TDRD3: variants seen among roughly 807,000 people sequenced by gnomAD.
TDRD3 encodes tudor domain containing 3.
A neutral mutation model predicts 86.7 loss-of-function variants in TDRD3; 45 were observed. The observed-to-expected ratio is 0.52, with a 90% CI of 0.41 to 0.67. The LOEUF (loss-of-function observed/expected upper bound fraction) is 0.67, where lower values mean the gene tolerates loss of function less well. Among genes scored for constraint, TDRD3 ranks in the 30% least tolerant of loss-of-function variants. TDRD3 has a pLI of 0.00. For synonymous variants in TDRD3, 298 were observed against 301.7 expected (o/e 0.99, Z 0.13); for missense variants, 814 against 889.0 (o/e 0.92, Z 1.07).
intron 1 of TDRD3, among the ~76,000 whole-genome samples, chr13:60,428,499 A>T (rs552278978): frequency 6.6e-6 from 1 of 152,316 alleles, no homozygotes; most frequent in South Asian, 2.1e-4. Context: ...TAGCAGAGGC[A>T]TGCAAAATTA....
In TDRD3 at chr13:60,485,886, G is replaced by T. The variant is rs761872709; in HGVS notation, c.655G>T (p.Asp219Tyr). 34 of 1,610,932 alleles carry T rather than the reference G, an allele frequency of 2.1e-5. No homozygotes were observed. The highest frequency in any genetic ancestry group is 2.9e-5 in the Non-Finnish European group (34 of 1,178,744). The change falls in exon 7 of 14, where the codon GAT becomes TAT. Residue 219 changes from aspartate (D) to tyrosine (Y), a missense_variant. By Grantham distance (160) the Asp-to-Tyr change is radical. Coordinates refer to ENST00000377881, the MANE Select transcript of TDRD3 (RefSeq NM_001146070.2). ...TACAATGCCTGTCAAACCTACAAAT[G>T]ATAATGATGAATTTGAAAAGCAAAG... ...QVTMPVKPTN[D>Y]NDEFEKQRTA...
chr13:60,411,881 A>C (rs1454500148), intron 1 of TDRD3, among the ~76,000 whole-genome samples: 2 of 152,212 alleles, frequency 1.3e-5, no homozygotes, highest in Non-Finnish European at 2.9e-5. Context: ...TTTGAGGAGC[A>C]GCACTTTAGG....
At chr13:60,513,872 T>G (rs969421505) in intron 10 of TDRD3, among the ~76,000 whole-genome samples, 3 of 152,202 alleles carry the variant, frequency 2.0e-5, no homozygotes, top group African/African-American at 7.2e-5. Context: ...CAGGTATGTC[T>G]TTATCAGCAG....
At chr13:60,455,161 C>G (rs1955638138) in intron 3 of TDRD3, among the ~76,000 whole-genome samples, 5 of 152,212 alleles carry the variant, frequency 3.3e-5, no homozygotes, top group Admixed American at 3.3e-4. Flanking sequence ...GATCCGCCCA[C>G]CTCAGCCTCC....
chr13:60,483,038 C>T (rs1956353860), intron 5 of TDRD3, among the ~76,000 whole-genome samples: 1 of 151,900 alleles, frequency 6.6e-6, no homozygotes, highest in Non-Finnish European at 1.5e-5. Context: ...CTGGAGACTC[C>T]TTATGGGATT....
At chr13:60,499,952 G>A (rs1199699259) in intron 8 of TDRD3, among the ~76,000 whole-genome samples, 1 of 152,218 alleles carries the variant, frequency 6.6e-6, no homozygotes, top group Non-Finnish European at 1.5e-5. Flanking sequence ...TGCTGTGCAA[G>A]CTGCTCTGCC....
At position 60,528,955 on chromosome 13, in the gene TDRD3, C is replaced by T; in HGVS notation, c.1730C>T (p.Pro577Leu). The T allele has an allele frequency of 6.2e-7, 1 of 1,613,752 alleles. No individual in the cohort carries two copies. Among genetic ancestry groups the T allele is most frequent in the Non-Finnish European group, 8.5e-7 (1 of 1,179,904 alleles). ...AATGTAAATACTGATTATCAGAATC[C>T]AGTTCGAAGTAATAGTTTCATTGGT... Reference protein sequence around the residue: ...HFNVNTDYQNPVRSNSFIGVP... With the variant: ...HFNVNTDYQNLVRSNSFIGVP... Residue 577 changes from proline to leucine, a missense_variant, in exon 11 of 14, where the codon CCA becomes CTA. Coordinates refer to ENST00000377881, the MANE Select transcript of TDRD3 (RefSeq NM_001146070.2).
Position 60,485,850 on chromosome 13 carries a change from A to G in TDRD3, c.619A>G (p.Thr207Ala). 2 of 1,610,470 alleles carry G rather than the reference A, an allele frequency of 1.2e-6. No homozygotes were observed. Among genetic ancestry groups the G allele is most frequent in the South Asian group, 1.1e-5 (1 of 90,378 alleles). Reference sequence around the variant, plus strand: ...TAGCAGAGAACTTGATCGAAGAAAAACATTGCAAGTTACAATGCCTGTCAA... The same window carrying G: ...TAGCAGAGAACTTGATCGAAGAAAAGCATTGCAAGTTACAATGCCTGTCAA... ...VDSRELDRRKTLQVTMPVKPT... is the reference protein window; with the variant it reads ...VDSRELDRRKALQVTMPVKPT... Residue 207 changes from threonine to alanine, a missense_variant, in exon 7 of 14, where the codon ACA (threonine) becomes GCA (alanine). By Grantham distance (58) the Thr-to-Ala change is moderately conservative. Coordinates refer to ENST00000377881, the MANE Select transcript of TDRD3 (RefSeq NM_001146070.2).
At chr13:60,555,609 C>T (rs749518611) in intron 12 of TDRD3, among the ~76,000 whole-genome samples, 5 of 152,052 alleles carry the variant, frequency 3.3e-5, no homozygotes, top group Admixed American at 1.3e-4. Context: ...ATGATACCAA[C>T]GTACTTGAGA....
intron 8 of TDRD3, among the ~76,000 whole-genome samples, chr13:60,497,380 A>G (rs1042835603): frequency 1.3e-5 from 2 of 152,062 alleles, no homozygotes; most frequent in African/African-American, 4.8e-5. Flanking sequence ...GTGATAGATG[A>G]TTGGCTATTT....
At chr13:60,410,153 C>A (rs1954326874) in intron 1 of TDRD3, among the ~76,000 whole-genome samples, 1 of 152,124 alleles carries the variant, frequency 6.6e-6, no homozygotes, top group Admixed American at 6.5e-5. Flanking sequence ...GCCTCCCCAG[C>A]CATGTGGAAC....
At chr13:60,485,999 TA>T in intron 7 of TDRD3, 51 bp downstream of exon 7, 1 of 1,515,940 alleles carries the variant, frequency 6.6e-7, no homozygotes, top group Non-Finnish European at 8.8e-7. Flanking sequence ...ATGTTCTATT[TA>T]GATTATTTGT....
chr13:60,397,374 G>A lies in TDRD3; in HGVS notation c.10G>A (p.Val4Met). 1 of 1,491,532 alleles carries A rather than the reference G, an allele frequency of 6.7e-7. No individual in the cohort carries two copies. The highest frequency in any genetic ancestry group is 8.9e-7 in the Non-Finnish European group (1 of 1,119,854). 92.4% of individuals were successfully genotyped at this position (1,491,532 alleles called of 1,614,324 possible). The change falls in exon 1 of 14, where the codon GTG becomes ATG. Residue 4 changes from valine (V) to methionine (M), a missense_variant. Coordinates refer to ENST00000377881, the MANE Select transcript of TDRD3 (RefSeq NM_001146070.2). Reference sequence around the variant, plus strand: ...GGCCTAAGCAGCTACCATGGCCCAGGTGGCCGGCGCGGCGTTGTCCCAGGC... The same window carrying A: ...GGCCTAAGCAGCTACCATGGCCCAGATGGCCGGCGCGGCGTTGTCCCAGGC... The part of the protein sequence containing the change: MAQ[V>M]AGAALSQAGW...
At chr13:60,414,439 A>G (rs890463021) in intron 1 of TDRD3, among the ~76,000 whole-genome samples, 5 of 152,186 alleles carry the variant, frequency 3.3e-5, no homozygotes, top group Non-Finnish European at 5.9e-5. Flanking sequence ...AAAGCCTGCA[A>G]TATTTACTAT....
At chr13:60,567,890 A>ATTT (rs58242240) in intron 13 of TDRD3, among the ~76,000 whole-genome samples, 1 of 132,932 alleles carries the variant, frequency 7.5e-6, no homozygotes, top group Admixed American at 7.5e-5. Context: ...TGCCCAGCTG[A>ATTT]TTTTTTTTTT....
intron 5 of TDRD3, among the ~76,000 whole-genome samples, chr13:60,480,752 A>C (rs1466984143): frequency 1.3e-5 from 2 of 152,066 alleles, no homozygotes; most frequent in Non-Finnish European, 2.9e-5. Flanking sequence ...GGGGTGCTGC[A>C]AGTGGGAGTG....
intron 8 of TDRD3, among the ~76,000 whole-genome samples, chr13:60,505,168 C>G (rs912079684): frequency 5.3e-5 from 8 of 152,180 alleles, no homozygotes; most frequent in Non-Finnish European, 8.8e-5. Context: ...CCCACAGAGC[C>G]CAACAAGCTA....
At chr13:60,421,697 A>C (rs1201362431) in intron 1 of TDRD3, among the ~76,000 whole-genome samples, 1 of 152,238 alleles carries the variant, frequency 6.6e-6, no homozygotes, top group Admixed American at 6.5e-5. Flanking sequence ...GAATGTGGAA[A>C]CTATCAAAGA....
At chr13:60,527,822 T>G (rs1009262714) in intron 10 of TDRD3, among the ~76,000 whole-genome samples, 4 of 130,262 alleles carry the variant, frequency 3.1e-5, no homozygotes, top group Admixed American at 1.5e-4. Context: ...GGATATCTAT[T>G]TGTAACATAA....
Sources: allele counts gnomAD v4.1 joint callset (sites outside exome capture counted in the v4.1 genomes callset), GRCh38; gene constraint gnomAD v4.1.1; transcripts MANE v1.5; gene names NCBI Gene and HGNC (gene_info 2026-07-23, HGNC 2026-07-21).